PADI4: variants seen among roughly 807,000 people sequenced by gnomAD.
PADI4 encodes peptidyl arginine deiminase 4.
PADI4 carries 62 observed loss-of-function variants against 75.0 expected under a neutral mutation model. The ratio of observed to expected loss-of-function variants is 0.83; its 90% CI spans 0.67 to 1.02. PADI4 has a LOEUF of 1.02. PADI4 is among the 50% of genes least tolerant of loss of function. The pLI, the probability that PADI4 is intolerant of heterozygous loss-of-function variation, is 0.00. For missense variants in PADI4, 845 were observed against 850.5 expected (o/e 0.99, Z 0.08); for synonymous variants, 361 against 348.1 (o/e 1.04, Z -0.41).
intron 13 of PADI4, 80 bp from the exon 14 acceptor site, chr1:17,358,758 G>A (rs2074802353): frequency 2.3e-6 from 2 of 871,930 alleles, no homozygotes; most frequent in Non-Finnish European, 3.8e-6. Flanking sequence ...GGAACACTGA[G>A]TCCCCCCCCG....
rs1039296702 is a variant in PADI4, at chr1:17,346,825, C to T, written c.1047+686C>T. On this transcript the variant is annotated intron_variant, in intron 9 of 15. Transcript: ENST00000375448. This position sits in a 1 kb window ranked among gnomAD's most constrained non-coding sequence, Gnocchi z 4.3. The stretch of plus-strand genomic sequence containing the variant: ...CCCATCCCCCATCTCCAATCCATAC[C>T]GGTGAATCCCAGCACAAATGCTCCT... 3.9e-5 allele frequency among the ~76,000 whole-genome samples: 6 copies of T among 152,212 alleles called. No homozygotes were observed. The highest frequency in any genetic ancestry group is 3.4e-3 in the Middle Eastern group (1 of 294).
rs1570066609 is a variant in PADI4, at chr1:17,346,873, C to G, written c.1047+734C>G. Among the ~76,000 whole-genome samples the G allele has an allele frequency of 6.6e-6, 1 of 152,094 alleles. No individual in the cohort carries two copies. Among genetic ancestry groups the G allele is most frequent in the African/African-American group, 2.4e-5 (1 of 41,418 alleles). On this transcript the variant is annotated intron_variant, in intron 9 of 15. Coordinates refer to ENST00000375448, the MANE Select transcript of PADI4 (RefSeq NM_012387.3). The surrounding 1 kb of genome is among the most constrained non-coding windows in gnomAD (Gnocchi z 4.3). ...CCTCGTCCATAAATTTCCCCCATCA[C>G]CCCCAGCAGGAATTCATCCCTCTTT...
chr1:17,335,752 C>A (rs1005048285), intron 3 of PADI4, among the ~76,000 whole-genome samples: 3 of 152,228 alleles, frequency 2.0e-5, no homozygotes, highest in Admixed American at 2.0e-4. Context: ...GGGTCCCCCA[C>A]CCCAAGGTCA....
chr1:17,336,495 A>T (rs1362331141), intron 4 of PADI4, among the ~76,000 whole-genome samples: 1 of 152,184 alleles, frequency 6.6e-6, no homozygotes, highest in Non-Finnish European at 1.5e-5. Flanking sequence ...AGCAGAGAGG[A>T]AATTCGTGGG....
chr1:17,352,138 C>T lies in PADI4; in HGVS notation c.1156-2395C>T, dbSNP rs1222758416. Among the ~76,000 whole-genome samples, 333 of 107,706 alleles carry T rather than the reference C, an allele frequency of 3.1e-3. 1 individual carries two copies. Among genetic ancestry groups the T allele is most frequent in the African/African-American group, 0.011 (295 of 26,470 alleles). The allele number at this position is 107,706 out of a possible 152,430, so 70.7% of individuals were successfully genotyped here. A position where few individuals can be genotyped will look rare whatever the true frequency, so the allele number is the denominator to read the frequency against. ...CTGTGGTCAGAGAGGTGATGGGAGG[C>T]AGTAGGAGAGGCAATCAGGGAGGTG... On this transcript the variant is annotated intron_variant, in intron 10 of 15. Transcript: ENST00000375448.
intron 3 of PADI4, chr1:17,334,620 A>G (rs1416946022): frequency 2.2e-6 from 1 of 456,200 alleles, no homozygotes; most frequent in South Asian, 1.5e-5. Flanking sequence ...CCTTTTTGAT[A>G]CCTCAAATAT....
intron 7 of PADI4, 24 bp from the exon 8 acceptor site, chr1:17,342,275 T>A: frequency 6.6e-7 from 1 of 1,512,222 alleles, no homozygotes; most frequent in Non-Finnish European, 9.2e-7. Context: ...CAGCCCCTCC[T>A]TCCCCTTACC....
intron 2 of PADI4, 116 bp from the exon 3 acceptor site, chr1:17,333,827 G>C (rs2074259469): frequency 1.3e-6 from 1 of 747,538 alleles, no homozygotes; most frequent in Non-Finnish European, 2.4e-6. Context: ...GCTAGGACCA[G>C]TTCTTGCCCA....
rs1468120978 is a variant in PADI4, at chr1:17,308,301, C to T, written c.79C>T (p.Leu27Phe). The T allele has an allele frequency of 1.9e-6, 3 of 1,613,898 alleles. No individual in the cohort carries two copies. In the South Asian group the frequency reaches 3.3e-5, roughly 18 times the overall value. ...GTGTGTGCTGGGCACCTTGACTCAG[C>T]TTGACATCTGCAGGTAAGAGGGGGG... The part of the protein sequence containing the change: ...AVCVLGTLTQ[L>F]DICSSAPEDC... The change falls in exon 1 of 16, where the codon CTT becomes TTT. Residue 27 changes from leucine (L) to phenylalanine (F), a missense_variant. Coordinates refer to ENST00000375448, the MANE Select transcript of PADI4 (RefSeq NM_012387.3).
At chr1:17,330,789 A>G (rs1246370962) in intron 1 of PADI4, among the ~76,000 whole-genome samples, 180 bp from the exon 2 acceptor site, 1 of 152,170 alleles carries the variant, frequency 6.6e-6, no homozygotes, top group East Asian at 1.9e-4. Flanking sequence ...CACTGACTCA[A>G]ATGCCAACCT....
chr1:17,339,846 C>T, intron 6 of PADI4, 33 bp downstream of exon 6: 1 of 1,567,930 alleles, frequency 6.4e-7, no homozygotes, highest in Non-Finnish European at 8.7e-7. Context: ...CCCCTCCTGC[C>T]CTGGCCAACG....
At chr1:17,318,298 AC>A (rs2073975640) in intron 1 of PADI4, among the ~76,000 whole-genome samples, 1 of 152,208 alleles carries the variant, frequency 6.6e-6, no homozygotes, top group Non-Finnish European at 1.5e-5. Flanking sequence ...ATCAGCCAGC[AC>A]CCAGAAACGT....
intron 1 of PADI4, among the ~76,000 whole-genome samples, chr1:17,323,949 C>T (rs552889513): frequency 2.7e-4 from 41 of 151,944 alleles, no homozygotes; most frequent in Non-Finnish European, 5.0e-4. Context: ...TAGGGATTGT[C>T]CACTGTGAAT....
intron 1 of PADI4, among the ~76,000 whole-genome samples, chr1:17,311,652 G>T (rs1156495100): frequency 6.6e-6 from 1 of 152,000 alleles, no homozygotes; most frequent in African/African-American, 2.4e-5. Flanking sequence ...AGCCTCCCCA[G>T]TAGCTGGGAC....
At position 17,342,373 on chromosome 1, in the gene PADI4, C is replaced by G; in HGVS notation, c.906C>G (p.Thr302=). Reference sequence around the variant, plus strand: ...CGCCCTGGATCATGACCCCCAACACCCAGCCCCCGCAGGAGGTGTACGCGT... The same window carrying G: ...CGCCCTGGATCATGACCCCCAACACGCAGCCCCCGCAGGAGGTGTACGCGT... ...RVAPWIMTPN[T]QPPQEVYACS... The change falls in exon 8 of 16, where the codon ACC becomes ACG. Residue 302 remains threonine (T), a synonymous_variant. Coordinates refer to ENST00000375448, the MANE Select transcript of PADI4 (RefSeq NM_012387.3). The G allele has an allele frequency of 6.2e-7, 1 of 1,613,514 alleles. No homozygotes were observed. The highest frequency in any genetic ancestry group is 1.7e-5 in the Admixed American group (1 of 60,008).
intron 1 of PADI4, among the ~76,000 whole-genome samples, chr1:17,321,271 G>A (rs957665250): frequency 8.5e-5 from 13 of 152,198 alleles, no homozygotes; most frequent in Non-Finnish European, 1.5e-4. Flanking sequence ...GTGGGGGGCA[G>A]GTGCAGGGAA....
intron 6 of PADI4, among the ~76,000 whole-genome samples, chr1:17,340,760 T>C (rs1168857477): frequency 6.6e-6 from 1 of 150,664 alleles, no homozygotes; most frequent in Non-Finnish European, 1.5e-5. Context: ...ATCATTCTGA[T>C]CCTGATCATT....
chr1:17,342,497 CT>C lies in PADI4; in HGVS notation c.935+96del, dbSNP rs1288757036. On this transcript the variant is annotated intron_variant, in intron 8 of 15. Coordinates refer to ENST00000375448, the MANE Select transcript of PADI4 (RefSeq NM_012387.3). ...TGTGTGATGGGAAAAACAGTCACCC[CT>C]CCCCTGCCCACTGAGAGCTTGCTGC... 20 of 724,854 alleles carry C rather than the reference CT, an allele frequency of 2.8e-5. No individual in the cohort carries two copies. In the African/African-American group the frequency reaches 3.4e-4, roughly 12 times the overall value. The allele number at this position is 724,854 out of a possible 1,614,324, so 44.9% of individuals were successfully genotyped here. A position where few individuals can be genotyped will look rare whatever the true frequency, so the allele number is the denominator to read the frequency against.
At chr1:17,320,663 C>T (rs375105423) in intron 1 of PADI4, among the ~76,000 whole-genome samples, 19 of 152,136 alleles carry the variant, frequency 1.2e-4, no homozygotes, top group Admixed American at 3.9e-4. Context: ...TAGTGTATAA[C>T]GAGCAGTGAG....
Sources: gnomAD v4.1 joint callset for allele counts (sites outside exome capture counted in the v4.1 genomes callset) on GRCh38, gnomAD v4.1.1 for gene constraint, Gnocchi (gnomAD v3.1) non-coding constraint, MANE v1.5 for transcripts, NCBI Gene and HGNC (gene_info 2026-07-23, HGNC 2026-07-21) for gene names.